The following PHF24 variants were observed in gnomAD, a reference collection of about 807,000 sequenced individuals.
PHF24 encodes the protein PHD finger protein 24.
In PHF24, 25 loss-of-function variants were observed where a neutral mutation model predicts 42.6. The ratio of observed to expected loss-of-function variants is 0.59; its 90% CI spans 0.43 to 0.82. The LOEUF is 0.82. PHF24 is among the 40% of genes least tolerant of loss of function. The pLI is 0.00. For missense variants in PHF24, 470 were observed against 538.1 expected, an observed-to-expected ratio of 0.87 and a Z score of 1.25; for synonymous variants, 185 against 204.8, an observed-to-expected ratio of 0.90 and a Z score of 0.83.
chr9:34,710,894 T>G, the PHF24 span, among the ~76,000 whole-genome samples: 1 of 152,078 alleles, frequency 6.6e-6, no homozygotes. Context: ...AGTGCTGGAA[T>G]TATAGGTATG....
the PHF24 span, among the ~76,000 whole-genome samples, chr9:34,771,114 G>A: frequency 2.6e-5 from 4 of 152,058 alleles, no homozygotes; most frequent in Non-Finnish European, 4.4e-5. Context: ...ACTTTGTCTC[G>A]AAGTAAATAA....
chr9:34,726,826 G>T, the PHF24 span: 1 of 1,551,764 alleles, frequency 6.4e-7, no homozygotes, highest in Non-Finnish European at 8.7e-7. Flanking sequence ...GCATCTCTAG[G>T]CAAGAGGAGC....
chr9:34,864,985 G>A, the PHF24 span, among the ~76,000 whole-genome samples: 1 of 151,840 alleles, frequency 6.6e-6, no homozygotes, highest in African/African-American at 2.4e-5. Flanking sequence ...GACCATCCTG[G>A]TTAACCAACA....
At chr9:34,801,015 A>G in the PHF24 span, among the ~76,000 whole-genome samples, 3 of 152,216 alleles carry the variant, frequency 2.0e-5, no homozygotes, top group African/African-American at 7.2e-5. Context: ...ATGAACAGAC[A>G]CTTCTCAAAA....
At chr9:34,964,118 C>A (rs892746737) in intron 1 of PHF24, among the ~76,000 whole-genome samples, 1 of 152,200 alleles carries the variant, frequency 6.6e-6, no homozygotes, top group Non-Finnish European at 1.5e-5. Flanking sequence ...AACACAGATT[C>A]CTTTACTCCA....
In PHF24 at chr9:34,958,540, C is replaced by A. The variant is rs891850669; in HGVS notation, c.-5+139C>A. ...GCCCCCCTGTGTCATTGGATGAACC[C>A]CAAGTAGCTGCTGCCTCTACGCCTT... On this transcript the variant is annotated intron_variant, in intron 1 of 7. Transcript: ENST00000242315. This position sits in a 1 kb window ranked among gnomAD's most constrained non-coding sequence, Gnocchi z 4.5. 2 of 152,366 alleles carry A rather than the reference C, an allele frequency of 1.3e-5. No homozygotes were observed. The highest frequency in any genetic ancestry group is 6.5e-5 in the Admixed American group (1 of 15,280). The allele number at this position is 152,366 out of a possible 1,614,324, so 9.4% of individuals were successfully genotyped here.
the PHF24 span, among the ~76,000 whole-genome samples, chr9:34,742,459 G>T: frequency 2.0e-5 from 3 of 152,156 alleles, no homozygotes; most frequent in Non-Finnish European, 4.4e-5. Flanking sequence ...CACTACTACA[G>T]TACCATCGCT....
At chr9:34,958,219 G>A (rs549788888), upstream of PHF24, 218 of 144,900 alleles carry the variant, frequency 1.5e-3, 1 homozygote, top group Admixed American at 3.9e-3. This position sits in a 1 kb window ranked among gnomAD's most constrained non-coding sequence, Gnocchi z 4.5. Flanking sequence ...GTGTGCTCCG[G>A]CCGCGCGCGC....
At chr9:34,957,888 C>T (rs1321414952), upstream of PHF24, among the ~76,000 whole-genome samples, 4 of 151,974 alleles carry the variant, frequency 2.6e-5, no homozygotes, top group African/African-American at 9.7e-5. Context: ...CCCCAAGGCG[C>T]CCCCTCCGGG....
At chr9:34,666,984 A>G in the PHF24 span, among the ~76,000 whole-genome samples, 2 of 152,158 alleles carry the variant, frequency 1.3e-5, no homozygotes, top group Non-Finnish European at 2.9e-5. Context: ...CAAGACAGGC[A>G]CCTTGTCTGC....
At chr9:34,922,107 A>G in the PHF24 span, 46 of 1,246,510 alleles carry the variant, frequency 3.7e-5, no homozygotes, top group African/African-American at 2.8e-4. Flanking sequence ...GTAAACAACT[A>G]TTTGTGGGAC....
At chr9:34,721,790 A>G in the PHF24 span, among the ~76,000 whole-genome samples, 5 of 152,224 alleles carry the variant, frequency 3.3e-5, no homozygotes, top group South Asian at 2.1e-4. Flanking sequence ...AAGGTCATCA[A>G]TGATCTCTGT....
chr9:34,744,228 G>A, the PHF24 span, among the ~76,000 whole-genome samples: 3 of 152,178 alleles, frequency 2.0e-5, no homozygotes, highest in Admixed American at 6.5e-5. Context: ...GATGGACCAT[G>A]GGTGGTGGTC....
exon 8 of PHF24, chr9:34,979,655 A>G (rs1186716459): frequency 2.0e-5 from 3 of 152,270 alleles, no homozygotes; most frequent in Admixed American, 6.5e-5. Context: ...GGGTGCGTAC[A>G]GAAGAACACA....
the PHF24 span, chr9:34,895,542 G>C: frequency 2.5e-6 from 1 of 398,338 alleles, no homozygotes; most frequent in Non-Finnish European, 4.4e-6. Context: ...CTTGTTTGAG[G>C]CACATCAATT....
At chr9:34,697,326 A>AT in the PHF24 span, among the ~76,000 whole-genome samples, 92 of 149,162 alleles carry the variant, frequency 6.2e-4, 1 homozygote, top group Non-Finnish European at 9.2e-4. Flanking sequence ...ACATTCACAA[A>AT]TTTTTTTTTT....
At chr9:34,886,586 C>T in the PHF24 span, among the ~76,000 whole-genome samples, 2 of 152,178 alleles carry the variant, frequency 1.3e-5, no homozygotes, top group Non-Finnish European at 2.9e-5. Flanking sequence ...TTCCTCCTGT[C>T]TTGCTGGCTG....
At chr9:34,925,209 G>C in the PHF24 span, among the ~76,000 whole-genome samples, 1 of 152,062 alleles carries the variant, frequency 6.6e-6, no homozygotes, top group Non-Finnish European at 1.5e-5. Context: ...GGCTTGTAAG[G>C]CTTCTGCTGA....
chr9:34,778,377 G>T, the PHF24 span, among the ~76,000 whole-genome samples: 1 of 152,188 alleles, frequency 6.6e-6, no homozygotes, highest in Non-Finnish European at 1.5e-5. Context: ...ATGTCTAAGG[G>T]AGATGTATTA....
Sources: gnomAD v4.1 joint callset for allele counts (sites outside exome capture counted in the v4.1 genomes callset) on GRCh38, gnomAD v4.1.1 for gene constraint, Gnocchi (gnomAD v3.1) non-coding constraint, MANE v1.5 for transcripts, NCBI Gene and HGNC (gene_info 2026-07-23, HGNC 2026-07-21) for gene names.